KCNMA1: variants seen among roughly 807,000 people sequenced by gnomAD.
The protein encoded by KCNMA1 is potassium calcium-activated channel subfamily M alpha 1.
KCNMA1 carries 29 observed loss-of-function variants against 140.0 expected under a neutral mutation model. The ratio of observed to expected loss-of-function variants is 0.21; its 90% CI spans 0.15 to 0.28. The LOEUF (loss-of-function observed/expected upper bound fraction) is 0.28, where lower values mean the gene tolerates loss of function less well. Ranked by LOEUF, KCNMA1 falls within the 10% of genes least tolerant of loss-of-function variation. The pLI is 1.00. For missense variants in KCNMA1, 880 were observed against 1,602.2 expected (o/e 0.55, Z 7.70); for synonymous variants, 612 against 611.9 (o/e 1.00, Z 0.00).
intron 19 of KCNMA1, among the ~76,000 whole-genome samples, chr10:76,972,553 C>T (rs1305469439): frequency 6.6e-6 from 1 of 152,192 alleles, no homozygotes; most frequent in Non-Finnish European, 1.5e-5. Context: ...TACCTGTTAG[C>T]CAGCTCAAGG....
At chr10:76,941,071 A>G (rs12769697) in intron 23 of KCNMA1, among the ~76,000 whole-genome samples, 9,645 of 91,218 alleles carry the variant, frequency 0.11, 563 homozygotes, top group African/African-American at 0.15. Flanking sequence ...AAGAAAGAAA[A>G]AGAAAGAAAG....
At chr10:77,468,324 G>C (rs1474549961) in intron 1 of KCNMA1, among the ~76,000 whole-genome samples, 2 of 152,206 alleles carry the variant, frequency 1.3e-5, no homozygotes, top group African/African-American at 4.8e-5. Flanking sequence ...CTACACACAA[G>C]TTACTTAGCC....
chr10:77,102,642 A>G, intron 9 of KCNMA1, among the ~76,000 whole-genome samples: 1 of 152,190 alleles, frequency 6.6e-6, no homozygotes, highest in Admixed American at 6.5e-5. Flanking sequence ...GGATTTTAAA[A>G]GCAAGAGTGT....
chr10:77,147,978 C>T (rs1162765562), intron 5 of KCNMA1, among the ~76,000 whole-genome samples: 2 of 152,154 alleles, frequency 1.3e-5, no homozygotes, highest in African/African-American at 4.8e-5. Flanking sequence ...CCTGCCACCA[C>T]CAAGAAAAGA....
At chr10:77,571,782 G>A (rs538678324) in intron 1 of KCNMA1, among the ~76,000 whole-genome samples, 2 of 152,242 alleles carry the variant, frequency 1.3e-5, no homozygotes, top group East Asian at 3.9e-4. Context: ...TAAACACAGC[G>A]AAGTCTTTCT....
chr10:77,409,405 T>A (rs1245312698), intron 1 of KCNMA1, among the ~76,000 whole-genome samples: 1 of 152,146 alleles, frequency 6.6e-6, no homozygotes, highest in Non-Finnish European at 1.5e-5. Context: ...CCCAGCCAGG[T>A]GACCACCGGG....
intron 2 of KCNMA1, among the ~76,000 whole-genome samples, chr10:77,397,570 T>G (rs992112079): frequency 2.0e-5 from 3 of 152,228 alleles, no homozygotes; most frequent in Admixed American, 6.5e-5. Context: ...ATGCTGGAAC[T>G]TATTCCTTCC....
At chr10:77,257,957 G>C (rs533904271) in intron 2 of KCNMA1, among the ~76,000 whole-genome samples, 1 of 152,094 alleles carries the variant, frequency 6.6e-6, no homozygotes, top group African/African-American at 2.4e-5. Context: ...GTGTGAAAAC[G>C]GACTAATATA....
chr10:77,383,616 T>A (rs1458603674), intron 2 of KCNMA1, among the ~76,000 whole-genome samples: 1 of 152,164 alleles, frequency 6.6e-6, no homozygotes, highest in Non-Finnish European at 1.5e-5. Flanking sequence ...TGGAGTTTAA[T>A]CTATACAAAA....
Position 77,461,335 on chromosome 10 carries a change from T to G in KCNMA1, c.379-57312A>C, listed in dbSNP as rs145412302. On this transcript the variant is annotated intron_variant, in intron 1 of 27. Coordinates refer to ENST00000286628, the MANE Select transcript of KCNMA1 (RefSeq NM_001161352.2). ...TTCTGTGGTGACCCTTGCCCCACCC[T>G]GCTATTTGTGGGGCAACTTGTTTCG... Among the ~76,000 whole-genome samples, 633 of 152,100 alleles carry G rather than the reference T, an allele frequency of 4.2e-3. 4 individuals carry two copies. Among genetic ancestry groups the G allele is most frequent in the African/African-American group, 0.015 (611 of 41,504 alleles).
intron 15 of KCNMA1, among the ~76,000 whole-genome samples, chr10:77,032,837 T>C (rs192148009): frequency 3.3e-5 from 5 of 152,098 alleles, no homozygotes; most frequent in African/African-American, 4.8e-5. Flanking sequence ...TGTTTCTGCC[T>C]ACCCAGAGGG....
chr10:77,429,768 T>C (rs1250384740), intron 1 of KCNMA1, among the ~76,000 whole-genome samples: 1 of 152,148 alleles, frequency 6.6e-6, no homozygotes, highest in Admixed American at 6.5e-5. Context: ...TTCCAAAGAA[T>C]ATTGTGATTT....
intron 14 of KCNMA1, chr10:77,064,096 T>C: frequency 1.0e-6 from 1 of 985,442 alleles, no homozygotes; most frequent in Non-Finnish European, 1.2e-6. Context: ...TTTCTCTTTG[T>C]TCAGTCCATG....
intron 18 of KCNMA1, 23 bp downstream of exon 18, chr10:77,011,944 A>T (rs1325539256): frequency 6.3e-7 from 1 of 1,596,646 alleles, no homozygotes; most frequent in Non-Finnish European, 8.6e-7. Context: ...AAGGGAGGGG[A>T]CAGGGAGAGA....
chr10:77,429,106 T>A (rs2097092551), intron 1 of KCNMA1, among the ~76,000 whole-genome samples: 1 of 152,100 alleles, frequency 6.6e-6, no homozygotes, highest in East Asian at 1.9e-4. Context: ...CAGGGATGAG[T>A]ATGAAAGGCC....
At chr10:77,493,615 G>A (rs1013571230) in intron 1 of KCNMA1, among the ~76,000 whole-genome samples, 3 of 152,238 alleles carry the variant, frequency 2.0e-5, no homozygotes, top group African/African-American at 7.2e-5. Flanking sequence ...AAGGCCACAT[G>A]TTTAACACCA....
At chr10:77,193,614 C>T (rs1195648826) in intron 3 of KCNMA1, among the ~76,000 whole-genome samples, 2 of 152,124 alleles carry the variant, frequency 1.3e-5, no homozygotes, top group Non-Finnish European at 2.9e-5. Flanking sequence ...GGTCAATGAG[C>T]CATGTATAGG....
At chr10:77,033,101 G>A (rs1225934448) in intron 15 of KCNMA1, among the ~76,000 whole-genome samples, 2 of 152,084 alleles carry the variant, frequency 1.3e-5, no homozygotes, top group Non-Finnish European at 2.9e-5. Context: ...GAGGGCCCCT[G>A]GGAATGTCAG....
In KCNMA1 at chr10:77,039,592, T is replaced by C. The variant is rs140520584; in HGVS notation, c.1795A>G (p.Asn599Asp). 2.5e-6 allele frequency: 4 copies of C among 1,612,538 alleles called. No individual in the cohort carries two copies. The Admixed American group carries it at 5.0e-5, about 20-fold the overall frequency. The part of the protein sequence containing the change: ...WQKYYLEGVS[N>D]EMYTEYLSSA... ...GAGAGATATTCTGTGTACATTTCATTTGAGACTCCTTCCAAGTAGTATTTC... is the reference window on the plus strand; with the variant it reads ...GAGAGATATTCTGTGTACATTTCATCTGAGACTCCTTCCAAGTAGTATTTC... Residue 599 changes from asparagine to aspartate, a missense_variant, in exon 15 of 28, where the codon AAT (asparagine) becomes GAT (aspartate). Physicochemically the swap from Asn to Asp is conservative, Grantham distance 23. Around this residue, in one of 13 missense-constraint regions of KCNMA1, gnomAD observed 198 missense variants for 580.1 expected, o/e 0.34. Coordinates refer to ENST00000286628, the MANE Select transcript of KCNMA1 (RefSeq NM_001161352.2).
Sources: gnomAD v4.1 joint callset for allele counts (sites outside exome capture counted in the v4.1 genomes callset) on GRCh38, gnomAD v4.1.1 for gene constraint, gnomAD v4.1.1 regional missense constraint, MANE v1.5 for transcripts, NCBI Gene and HGNC (gene_info 2026-07-23, HGNC 2026-07-21) for gene names.